DIS3L2: variants seen among roughly 807,000 people sequenced by gnomAD.
The protein encoded by DIS3L2 is DIS3-like exonuclease 2.
In DIS3L2, 34 loss-of-function variants were observed where a neutral mutation model predicts 97.5. The ratio of observed to expected loss-of-function variants is 0.35; its 90% CI spans 0.27 to 0.46. The LOEUF is 0.46. DIS3L2 is among the 20% of genes least tolerant of loss of function. The pLI is 1.00. For missense variants in DIS3L2, 1,038 were observed against 1,146.0 expected, an observed-to-expected ratio of 0.91 and a Z score of 1.36; for synonymous variants, 435 against 445.2, an observed-to-expected ratio of 0.98 and a Z score of 0.29.
rs774687794 is a variant in DIS3L2, at chr2:232,249,317, G to A, written c.1396G>A (p.Val466Met). 1.9e-6 allele frequency: 3 copies of A among 1,614,096 alleles called. No homozygotes were observed. The highest frequency in any genetic ancestry group is 2.5e-6 in the Non-Finnish European group (3 of 1,180,034). Residue 466 changes from valine (V) to methionine (M), a missense_variant, in exon 12 of 21, where the codon GTG (valine) becomes ATG (methionine). Transcript: ENST00000325385. The part of the protein sequence containing the change: ...NPMSDKLTFS[V>M]IWTLTPEGKI... ...CATGTCCGACAAGCTGACCTTCTCT[G>A]TGATCTGGACACTGACTCCAGAGGG...
chr2:232,087,819 T>G, intron 6 of DIS3L2, 98 bp downstream of exon 6: 1 of 979,054 alleles, frequency 1.0e-6, no homozygotes, highest in Non-Finnish European at 1.5e-6. Flanking sequence ...ATGCCATTGA[T>G]ATAGTCCTAA....
intron 6 of DIS3L2, among the ~76,000 whole-genome samples, chr2:232,128,469 T>C (rs1396913105): frequency 7.2e-6 from 1 of 138,840 alleles, no homozygotes; most frequent in Admixed American, 7.2e-5. Flanking sequence ...TTTTTTTTTT[T>C]TTTTTTTTTT....
intron 1 of DIS3L2, among the ~76,000 whole-genome samples, chr2:231,974,481 T>A (rs142370376): frequency 5.2e-4 from 79 of 152,158 alleles, no homozygotes; most frequent in African/African-American, 1.7e-3. Flanking sequence ...TGTTGTCCCA[T>A]TCAGTGTATT....
At chr2:232,002,427 A>G (rs1356819361) in intron 1 of DIS3L2, among the ~76,000 whole-genome samples, 1 of 152,144 alleles carries the variant, frequency 6.6e-6, no homozygotes, top group Non-Finnish European at 1.5e-5. Context: ...TTTGGTAGAG[A>G]TTATATTGAA....
intron 9 of DIS3L2, among the ~76,000 whole-genome samples, chr2:232,188,232 A>C (rs918775965): frequency 3.3e-5 from 5 of 152,260 alleles, no homozygotes; most frequent in African/African-American, 1.2e-4. Context: ...AAGGGAAAAC[A>C]TGGAATGATT....
intron 14 of DIS3L2, among the ~76,000 whole-genome samples, chr2:232,316,261 A>G (rs773306637): frequency 1.4e-4 from 22 of 152,228 alleles, no homozygotes; most frequent in Non-Finnish European, 2.5e-4. Context: ...GAGTCATTCT[A>G]CAGAGAGGAT....
At chr2:232,253,869 A>G (rs72996142) in intron 12 of DIS3L2, among the ~76,000 whole-genome samples, 3,973 of 152,330 alleles carry the variant, frequency 0.026, 71 homozygotes, top group Non-Finnish European at 0.043. Context: ...TTTCATAACA[A>G]TACTTTAAAA....
At chr2:231,982,675 A>C (rs988359887) in intron 1 of DIS3L2, among the ~76,000 whole-genome samples, 6 of 148,604 alleles carry the variant, frequency 4.0e-5, no homozygotes, top group Non-Finnish European at 7.4e-5. Context: ...TTAGTGTTTT[A>C]TTCAAGCATT....
chr2:232,303,961 C>T (rs1323000079), intron 14 of DIS3L2, among the ~76,000 whole-genome samples: 3 of 152,156 alleles, frequency 2.0e-5, no homozygotes, highest in South Asian at 2.1e-4. Flanking sequence ...AGAGGCACAG[C>T]TGTCGGGTAA....
chr2:231,964,464 C>G (rs932417721), intron 1 of DIS3L2, among the ~76,000 whole-genome samples: 1 of 152,160 alleles, frequency 6.6e-6, no homozygotes. Context: ...ATAGCATGGA[C>G]TTACACTTCA....
intron 6 of DIS3L2, among the ~76,000 whole-genome samples, chr2:232,090,559 G>T (rs1171893568): frequency 1.3e-5 from 2 of 151,872 alleles, no homozygotes; most frequent in Non-Finnish European, 2.9e-5. Flanking sequence ...CTCTTACTTG[G>T]GATAATAAAA....
At chr2:232,011,813 C>T (rs948306727) in intron 1 of DIS3L2, among the ~76,000 whole-genome samples, 3 of 151,924 alleles carry the variant, frequency 2.0e-5, no homozygotes, top group African/African-American at 7.3e-5. Context: ...CCTTGCCCAG[C>T]TAATTTTTTG....
At chr2:232,000,713 T>TTTC (rs1464894661) in intron 1 of DIS3L2, among the ~76,000 whole-genome samples, 5 of 144,476 alleles carry the variant, frequency 3.5e-5, no homozygotes, top group Admixed American at 7.1e-5. Context: ...TCCTTCTTTC[T>TTTC]TTCTTCTTCT....
chr2:232,108,223 G>A (rs1377708543), intron 6 of DIS3L2, among the ~76,000 whole-genome samples: 2 of 152,060 alleles, frequency 1.3e-5, no homozygotes, highest in African/African-American at 2.4e-5. Flanking sequence ...TTCAACATAC[G>A]CAAATCAATA....
At chr2:232,339,254 G>A (rs1050988349), downstream of DIS3L2, among the ~76,000 whole-genome samples, 7 of 152,360 alleles carry the variant, frequency 4.6e-5, no homozygotes, top group Admixed American at 2.6e-4. Flanking sequence ...ATGTCAGGCC[G>A]CAGAAGGGAG....
At chr2:232,114,101 A>G (rs1011975788) in intron 6 of DIS3L2, among the ~76,000 whole-genome samples, 2 of 152,142 alleles carry the variant, frequency 1.3e-5, no homozygotes, top group African/African-American at 4.8e-5. Context: ...CCAACCAATC[A>G]GCACTCTTGA....
chr2:232,286,382 C>T (rs1302643909), intron 13 of DIS3L2, among the ~76,000 whole-genome samples: 1 of 150,474 alleles, frequency 6.6e-6, no homozygotes, highest in African/African-American at 2.5e-5. Context: ...ATTGTATCTT[C>T]CTGCTGCGGC....
rs192425714 is a variant in DIS3L2 at position 232,158,456 on chromosome 2, T to G, written c.951-5003T>G. ...AATGATTCATCACCCTTTCAATTTG[T>G]TTTTTCTGTCTTAGCCTGGCAGCTA... On this transcript the variant is annotated intron_variant, in intron 8 of 20. Coordinates refer to ENST00000325385, the MANE Select transcript of DIS3L2 (RefSeq NM_152383.5). Among the ~76,000 whole-genome samples, 13 of 152,294 alleles carry G rather than the reference T, an allele frequency of 8.5e-5. 1 individual carries two copies. The East Asian group carries it at 2.5e-3, about 29-fold the overall frequency.
chr2:232,087,821 T>C (rs1007784043), intron 6 of DIS3L2, 100 bp downstream of exon 6: 3 of 959,616 alleles, frequency 3.1e-6, no homozygotes, highest in Middle Eastern at 2.2e-4. Flanking sequence ...GCCATTGATA[T>C]AGTCCTAATT....
Sources: gnomAD v4.1 joint callset for allele counts (sites outside exome capture counted in the v4.1 genomes callset) on GRCh38, gnomAD v4.1.1 for gene constraint, MANE v1.5 for transcripts, NCBI Gene and HGNC (gene_info 2026-07-23, HGNC 2026-07-21) for gene names.